The following NCK2 variants were observed in gnomAD, a reference collection of about 807,000 sequenced individuals.
NCK2 encodes the protein NCK adaptor protein 2.
Under a neutral mutation model 33.9 loss-of-function variants are expected in NCK2, and 16 were observed. The ratio of observed to expected loss-of-function variants is 0.47; its 90% CI spans 0.32 to 0.72. The LOEUF (loss-of-function observed/expected upper bound fraction) is 0.72. NCK2 is among the 30% of genes least tolerant of loss of function. The pLI, the probability that NCK2 is intolerant of heterozygous loss-of-function variation, is 0.03. For missense variants in NCK2, 418 were observed against 537.3 expected, an observed-to-expected ratio of 0.78 and a Z score of 2.19; for synonymous variants, 273 against 239.9, an observed-to-expected ratio of 1.14 and a Z score of -1.27.
intron 2 of NCK2, chr2:105,851,924 G>C (rs901782449): frequency 6.6e-6 from 1 of 152,288 alleles, no homozygotes; most frequent in Non-Finnish European, 1.5e-5. Context: ...TTTTGGTTTG[G>C]TTTAAATTGA....
chr2:105,750,367 C>T (rs1056815738), intron 1 of NCK2, among the ~76,000 whole-genome samples: 13 of 152,304 alleles, frequency 8.5e-5, no homozygotes, highest in Admixed American at 7.8e-4. Flanking sequence ...CCTCCTGAAG[C>T]GTCCTGTCTC....
At chr2:105,814,071 T>G (rs1020848414) in intron 1 of NCK2, among the ~76,000 whole-genome samples, 1 of 152,220 alleles carries the variant, frequency 6.6e-6, no homozygotes, top group Non-Finnish European at 1.5e-5. Context: ...CTGATACTGT[T>G]TTTTGCACAA....
intron 1 of NCK2, among the ~76,000 whole-genome samples, chr2:105,783,742 C>A (rs746682649): frequency 1.3e-5 from 2 of 151,648 alleles, no homozygotes; most frequent in African/African-American, 4.9e-5. Flanking sequence ...AAAATGATGA[C>A]CTCCACTCTT....
At chr2:105,846,156 A>G (rs1248642288) in intron 2 of NCK2, among the ~76,000 whole-genome samples, 1 of 152,180 alleles carries the variant, frequency 6.6e-6, no homozygotes. Context: ...AAAGCCAAGG[A>G]AGGTTACAAA....
intron 3 of NCK2, among the ~76,000 whole-genome samples, chr2:105,863,796 T>A (rs1677639798): frequency 6.6e-6 from 1 of 152,146 alleles, no homozygotes; most frequent in Admixed American, 6.5e-5. Flanking sequence ...AAATCCAGGC[T>A]TTGCCACCTA....
intron 1 of NCK2, among the ~76,000 whole-genome samples, chr2:105,813,592 G>T (rs1481750750): frequency 1.3e-5 from 2 of 152,238 alleles, no homozygotes; most frequent in African/African-American, 4.8e-5. Flanking sequence ...AGGCATTGGG[G>T]ATGCAGAATC....
At position 105,881,864 on chromosome 2, in the gene NCK2, C is replaced by T. The variant is rs371236589; in HGVS notation, c.763C>T (p.Leu255Phe). Residue 255 changes from leucine (L) to phenylalanine (F), a missense_variant, in exon 4 of 5, where the codon CTC becomes TTC. Transcript: ENST00000233154. ...CGTCCCCAAAAACTACGTGGTGGTC[C>T]TCAGTGACGGGCCTGCCCTGCACCC... Reference protein sequence around the residue: ...GLVPKNYVVVLSDGPALHPAH... With the variant: ...GLVPKNYVVVFSDGPALHPAH... The T allele has an allele frequency of 1.4e-5, 22 of 1,588,866 alleles. No individual in the cohort carries two copies. Among genetic ancestry groups the T allele is most frequent in the Non-Finnish European group, 1.9e-5 (22 of 1,166,750 alleles).
chr2:105,766,782 T>A (rs1689962215), intron 1 of NCK2, among the ~76,000 whole-genome samples: 1 of 152,250 alleles, frequency 6.6e-6, no homozygotes, highest in Admixed American at 6.5e-5. Context: ...TCCCTCCATC[T>A]TGTGGGCATG....
At chr2:105,880,869 C>T (rs1314679466) in intron 3 of NCK2, among the ~76,000 whole-genome samples, 1 of 151,078 alleles carries the variant, frequency 6.6e-6, no homozygotes, top group Admixed American at 6.6e-5. Flanking sequence ...TCAACTCTGG[C>T]TCAAGCCATC....
Position 105,855,170 on chromosome 2 carries a change from A to G in NCK2, c.107A>G (p.Lys36Arg). The change falls in exon 3 of 5, where the codon AAG (lysine) becomes AGG (arginine). Residue 36 changes from lysine (K) to arginine (R), a missense_variant. Coordinates refer to ENST00000233154, the MANE Select transcript of NCK2 (RefSeq NM_003581.5). ...NERLWLLDDS[K>R]TWWRVRNAAN... is the part of the protein sequence containing the mutation. The stretch of plus-strand genomic sequence containing the variant: ...CGGCTGTGGTTGCTGGACGACTCCA[A>G]GACGTGGTGGCGGGTGAGGAACGCG... The G allele has an allele frequency of 6.2e-7, 1 of 1,614,212 alleles. No homozygotes were observed. Among genetic ancestry groups the G allele is most frequent in the Non-Finnish European group, 8.5e-7 (1 of 1,180,042 alleles).
chr2:105,874,672 G>A (rs574835586), intron 3 of NCK2, among the ~76,000 whole-genome samples: 6 of 152,146 alleles, frequency 3.9e-5, no homozygotes, highest in African/African-American at 7.2e-5. Context: ...TAAATCTCCC[G>A]AACTCCAGCT....
chr2:105,881,251 G>T lies in NCK2; in HGVS notation c.227-77G>T. 3 of 1,504,342 alleles carry T rather than the reference G, an allele frequency of 2.0e-6. No homozygotes were observed. The East Asian group carries it at 6.8e-5, about 34-fold the overall frequency. The allele number at this position is 1,504,342 out of a possible 1,614,324, so 93.2% of individuals were successfully genotyped here. A position where few individuals can be genotyped will look rare whatever the true frequency, so the allele number is the denominator to read the frequency against. Reference sequence around the variant, plus strand: ...TGTATTTAACCGCCAGAGAAACTGCGTGGAAATCCCGGTAGGCTAGGGAGT... The same window carrying T: ...TGTATTTAACCGCCAGAGAAACTGCTTGGAAATCCCGGTAGGCTAGGGAGT... On this transcript the variant is annotated intron_variant, in intron 3 of 4. Transcript: ENST00000233154.
intron 3 of NCK2, among the ~76,000 whole-genome samples, chr2:105,859,596 A>G (rs959004590): frequency 4.6e-5 from 7 of 152,230 alleles, no homozygotes; most frequent in Non-Finnish European, 8.8e-5. Context: ...CAGCCTTTGC[A>G]CTGGTTTGAG....
Position 105,823,773 on chromosome 2 carries a change from G to A in NCK2, c.-17+7160G>A, listed in dbSNP as rs533716395. Among the ~76,000 whole-genome samples the A allele has an allele frequency of 2.6e-5, 4 of 152,166 alleles. No individual in the cohort carries two copies. The East Asian group carries it at 5.8e-4, about 22-fold the overall frequency. On this transcript the variant is annotated intron_variant, in intron 2 of 4. Transcript: ENST00000233154. ...AAATATGCCTTCTCAGCTTCTCAGA[G>A]TCACACCTGACCAACAGTCACACTG...
intron 1 of NCK2, among the ~76,000 whole-genome samples, chr2:105,763,283 A>G (rs1689825984): frequency 1.3e-5 from 2 of 152,142 alleles, no homozygotes; most frequent in African/African-American, 4.8e-5. Flanking sequence ...CTCGCCAGGG[A>G]CCAGGTGTCA....
intron 1 of NCK2, among the ~76,000 whole-genome samples, chr2:105,779,487 A>C (rs1690418341): frequency 1.3e-5 from 2 of 152,146 alleles, no homozygotes; most frequent in South Asian, 2.1e-4. Context: ...ATATGGCTGC[A>C]TCTCTGCCAC....
chr2:105,763,984 C>T (rs868236915), intron 1 of NCK2, among the ~76,000 whole-genome samples: 11 of 152,210 alleles, frequency 7.2e-5, no homozygotes, highest in South Asian at 2.1e-4. Context: ...GAGCACTTAA[C>T]GTGGCTGAGC....
chr2:105,761,665 C>T (rs1689767206), intron 1 of NCK2, among the ~76,000 whole-genome samples: 1 of 152,116 alleles, frequency 6.6e-6, no homozygotes, highest in South Asian at 2.1e-4. Flanking sequence ...ATTGCTTGAG[C>T]CCAGGAGTTC....
chr2:105,823,153 TGTGTGTGTGTGTGTG>T (rs1675811736), intron 2 of NCK2, among the ~76,000 whole-genome samples: 1 of 151,484 alleles, frequency 6.6e-6, no homozygotes, highest in Non-Finnish European at 1.5e-5. Flanking sequence ...TGTGTGTGTG[TGTGTGTGTGTGTGTG>T]TGTGTCACAA....
Sources: gnomAD v4.1 joint callset for allele counts (sites outside exome capture counted in the v4.1 genomes callset) on GRCh38, gnomAD v4.1.1 for gene constraint, MANE v1.5 for transcripts, NCBI Gene and HGNC (gene_info 2026-07-23, HGNC 2026-07-21) for gene names.